The following HMCN1 variants were observed in gnomAD, a reference collection of about 807,000 sequenced individuals.
HMCN1 encodes the protein hemicentin-1.
In HMCN1, 321 loss-of-function variants were observed where a neutral mutation model predicts 625.9. That is an observed-to-expected ratio of 0.51 (90% CI 0.47 to 0.56). The LOEUF is 0.56. Ranked by LOEUF, HMCN1 falls within the 20% of genes least tolerant of loss-of-function variation. HMCN1 has a pLI of 0.00. For missense variants in HMCN1, 6,588 were observed against 6,887.3 expected (o/e 0.96, Z 1.54); for synonymous variants, 2,425 against 2,417.6 (o/e 1.00, Z -0.09).
chr1:186,151,802 A>G (rs1389935988), intron 95 of HMCN1, 59 bp downstream of exon 95: 6 of 1,516,366 alleles, frequency 4.0e-6, no homozygotes, highest in African/African-American at 1.4e-5. Flanking sequence ...AAGATAGGTG[A>G]TTAAGAAAAA....
At chr1:186,187,861 AT>A in intron 105 of HMCN1, 21 bp from the exon 106 acceptor site, 1 of 1,613,474 alleles carries the variant, frequency 6.2e-7, no homozygotes, top group Non-Finnish European at 8.5e-7. Context: ...CTGATGCTGC[AT>A]GTTCCCTGTG....
chr1:185,953,477 T>A (rs1486287310), intron 11 of HMCN1, among the ~76,000 whole-genome samples: 1 of 151,754 alleles, frequency 6.6e-6, no homozygotes, highest in Non-Finnish European at 1.5e-5. Flanking sequence ...GTCTCCTTTG[T>A]CTCTACCAGA....
At chr1:186,104,813 A>G (rs1364613016) in intron 69 of HMCN1, among the ~76,000 whole-genome samples, 2 of 152,170 alleles carry the variant, frequency 1.3e-5, no homozygotes, top group African/African-American at 4.8e-5. Flanking sequence ...CATTTCAAAC[A>G]TTACAGTAAC....
chr1:186,083,057 C>G, intron 57 of HMCN1, 96 bp downstream of exon 57: 1 of 610,492 alleles, frequency 1.6e-6, no homozygotes, highest in Non-Finnish European at 2.8e-6. Context: ...TATTTTTTAA[C>G]TTAAACAATG....
intron 11 of HMCN1, among the ~76,000 whole-genome samples, chr1:185,949,082 G>A (rs561075994): frequency 1.2e-4 from 19 of 152,032 alleles, no homozygotes; most frequent in African/African-American, 4.6e-4. Context: ...TATCTGATTA[G>A]AGAGTGCCTA....
At chr1:185,928,135 A>G (rs1413591289) in intron 9 of HMCN1, among the ~76,000 whole-genome samples, 1 of 152,156 alleles carries the variant, frequency 6.6e-6, no homozygotes, top group African/African-American at 2.4e-5. Flanking sequence ...ATCAAAAAGT[A>G]GATTTCCTAC....
chr1:185,892,665 C>G (rs980816265), intron 4 of HMCN1, among the ~76,000 whole-genome samples: 2 of 151,934 alleles, frequency 1.3e-5, no homozygotes, highest in Non-Finnish European at 2.9e-5. Flanking sequence ...GCAGTCTGCC[C>G]GTTCTCAGAT....
Position 186,007,270 on chromosome 1 carries a change from C to T in HMCN1, c.4618C>T (p.Leu1540=), listed in dbSNP as rs755496178. 88 of 1,613,484 alleles carry T rather than the reference C, an allele frequency of 5.5e-5. No individual in the cohort carries two copies. The highest frequency in any genetic ancestry group is 7.0e-5 in the Non-Finnish European group (83 of 1,179,634). The stretch of plus-strand genomic sequence containing the variant: ...TGGCAAACAAGCCAAGGATATAAAA[C>T]TGACTATCTATAGTAAGTGCGATTG... ...AAGKQAKDIK[L]TIYIPPSIKG... The change falls in exon 30 of 107, where the codon CTG becomes TTG. Residue 1540 remains leucine (L), a synonymous_variant. Transcript: ENST00000271588.
chr1:186,029,822 G>T (rs1450815703), intron 36 of HMCN1, among the ~76,000 whole-genome samples: 1 of 151,724 alleles, frequency 6.6e-6, no homozygotes, highest in Non-Finnish European at 1.5e-5. Flanking sequence ...AGAATGTTAG[G>T]TTATTGATTT....
intron 1 of HMCN1, among the ~76,000 whole-genome samples, chr1:185,835,618 C>G (rs1661119080): frequency 6.6e-6 from 1 of 151,722 alleles, no homozygotes; most frequent in African/African-American, 2.4e-5. Context: ...TAGTTACCAA[C>G]TAAAGTGAAG....
Position 186,153,860 on chromosome 1 carries a change from T to C in HMCN1, c.15129T>C (p.Val5043=), listed in dbSNP as rs1334951238. The C allele has an allele frequency of 2.5e-6, 4 of 1,614,036 alleles. No individual in the cohort carries two copies. In the African/African-American group the frequency reaches 5.3e-5, roughly 22 times the overall value. The change falls in exon 97 of 107, where the codon GTT becomes GTC. Residue 5043 remains valine (V), a synonymous_variant. Coordinates refer to ENST00000271588, the MANE Select transcript of HMCN1 (RefSeq NM_031935.3). The part of the protein sequence containing the change: ...ISIPYTWNHT[V]FYDQAQGRMP... ...TCCCATACACATGGAACCACACCGTTTTCTATGATCAGGCACAGGGAAGAA... is the reference window on the plus strand; with the variant it reads ...TCCCATACACATGGAACCACACCGTCTTCTATGATCAGGCACAGGGAAGAA...
chr1:185,789,349 C>A (rs533135426), intron 1 of HMCN1, among the ~76,000 whole-genome samples: 8 of 152,088 alleles, frequency 5.3e-5, no homozygotes, highest in Non-Finnish European at 8.8e-5. Flanking sequence ...GAGACCCTGG[C>A]GCAAGTAGGT....
chr1:185,892,806 A>T (rs1447645467), intron 4 of HMCN1, among the ~76,000 whole-genome samples: 3 of 152,170 alleles, frequency 2.0e-5, no homozygotes, highest in African/African-American at 7.2e-5. Flanking sequence ...CTACAGAGGC[A>T]GGCAGGCCTC....
chr1:186,128,248 A>G lies in HMCN1; in HGVS notation c.12861A>G (p.Pro4287=), dbSNP rs151052679. The G allele has an allele frequency of 6.2e-7, 1 of 1,613,554 alleles. No individual in the cohort carries two copies. The highest frequency in any genetic ancestry group is 1.3e-5 in the African/African-American group (1 of 75,004). ...LRLSCKATGI[P]LPKLTWTFNN... is the part of the protein sequence containing the mutation. ...TAAGCTGTAAAGCTACTGGTATTCC[A>G]TTGCCCAAATTAACATGGACCTTCA... Residue 4287 remains proline, a synonymous_variant, in exon 83 of 107, where the codon CCA becomes CCG. Transcript: ENST00000271588.
In HMCN1 at chr1:186,001,310, TTAAAGA is replaced by T; in HGVS notation, c.4089_4094del (p.Asp1363_Lys1364del). On this transcript the variant is annotated inframe_deletion, in exon 27 of 107. Coordinates refer to ENST00000271588, the MANE Select transcript of HMCN1 (RefSeq NM_031935.3). ...TCTCTTTTTGCAGTTCCTCCAGTAA[TTAAAGA>T]TAAAGAACAAGTTACAAATGTGTCG... 6.2e-7 allele frequency: 1 copy of T among 1,611,492 alleles called. No homozygotes were observed. Among genetic ancestry groups the T allele is most frequent in the Non-Finnish European group, 8.5e-7 (1 of 1,178,198 alleles).
chr1:186,181,141 A>C (rs1334769507), intron 104 of HMCN1, among the ~76,000 whole-genome samples: 1 of 152,118 alleles, frequency 6.6e-6, no homozygotes, highest in Non-Finnish European at 1.5e-5. Context: ...CATCATTTAC[A>C]TTTCTGTTAT....
At chr1:186,115,110 A>T in intron 74 of HMCN1, 148 bp from the exon 75 acceptor site, 1 of 1,329,704 alleles carries the variant, frequency 7.5e-7, no homozygotes, top group Non-Finnish European at 1.1e-6. Flanking sequence ...AGTTAATATC[A>T]TCACAGCACT....
At position 186,094,367 on chromosome 1, in the gene HMCN1, G is replaced by GTGTT; in HGVS notation, c.10291_10294dup (p.Ala3432ValfsTer21). The GTGTT allele has an allele frequency of 6.2e-7, 1 of 1,611,178 alleles. No homozygotes were observed. The highest frequency in any genetic ancestry group is 8.5e-7 in the Non-Finnish European group (1 of 1,177,756). ...GGATAATAAGCATTACAATCTTCAA[G>GTGTT]TGTTTGGTATGTGTCACAGAAATGA... On this transcript the variant is annotated frameshift_variant, in exon 67 of 107. Coordinates refer to ENST00000271588, the MANE Select transcript of HMCN1 (RefSeq NM_031935.3). LOFTEE classifies it high-confidence loss of function.
intron 23 of HMCN1, 27 bp downstream of exon 23, chr1:185,993,336 C>G (rs1443165047): frequency 6.2e-7 from 1 of 1,610,958 alleles, no homozygotes; most frequent in East Asian, 2.2e-5. Flanking sequence ...GAACATATGA[C>G]AACCCTGTGG....
Sources: allele counts gnomAD v4.1 joint callset (sites outside exome capture counted in the v4.1 genomes callset), GRCh38; gene constraint gnomAD v4.1.1; transcripts MANE v1.5; gene names NCBI Gene and HGNC (gene_info 2026-07-23, HGNC 2026-07-21).